The following MAPRE2 variants were observed in gnomAD, a reference collection of about 807,000 sequenced individuals.
The protein encoded by MAPRE2 is microtubule-associated protein RP/EB family member 2.
Under a neutral mutation model 43.2 loss-of-function variants are expected in MAPRE2, and 13 were observed. That is an observed-to-expected ratio of 0.30 (90% CI 0.20 to 0.48). MAPRE2 has a LOEUF of 0.48. Among genes scored for constraint, MAPRE2 ranks in the 20% least tolerant of loss-of-function variants. The pLI, the probability that MAPRE2 is intolerant of heterozygous loss-of-function variation, is 0.99. For synonymous variants in MAPRE2, 135 were observed against 148.8 expected (o/e 0.91, Z 0.68); for missense variants, 161 against 400.2 (o/e 0.40, Z 5.10).
At position 35,101,597 on chromosome 18, in the gene MAPRE2, G is replaced by A. The variant is rs981010347; in HGVS notation, c.397-349G>A. ...ACTCTCCATGCCTATGAATTCGCTT[G>A]TTTTGATTTTTAGATCCCACAAATA... is the stretch of plus-strand genomic sequence containing the variant. On this transcript the variant is annotated intron_variant, in intron 3 of 6. Transcript: ENST00000300249. Among the ~76,000 whole-genome samples, 45 of 152,200 alleles carry A rather than the reference G, an allele frequency of 3.0e-4. 1 individual carries two copies. Among genetic ancestry groups the A allele is most frequent in the African/African-American group, 7.9e-4 (33 of 41,546 alleles).
chr18:35,054,047 C>G, intron 1 of MAPRE2, among the ~76,000 whole-genome samples: 1 of 152,118 alleles, frequency 6.6e-6, no homozygotes, highest in South Asian at 2.1e-4. Context: ...GCGTTGGATG[C>G]CCCCCTTTTA....
At chr18:35,099,612 C>G (rs1908581789) in intron 3 of MAPRE2, among the ~76,000 whole-genome samples, 1 of 152,076 alleles carries the variant, frequency 6.6e-6, no homozygotes, top group Non-Finnish European at 1.5e-5. Context: ...GAGACTCTGT[C>G]TCTGAAATAA....
chr18:35,049,216 G>T (rs1905809576), intron 1 of MAPRE2, among the ~76,000 whole-genome samples: 2 of 152,070 alleles, frequency 1.3e-5, no homozygotes, highest in Non-Finnish European at 2.9e-5. Flanking sequence ...TATAAACAGT[G>T]GTATCCCTGA....
chr18:35,040,689 G>C (rs948179228), upstream of MAPRE2, among the ~76,000 whole-genome samples: 5 of 152,162 alleles, frequency 3.3e-5, no homozygotes, highest in African/African-American at 1.2e-4. Flanking sequence ...TGTATCAGGA[G>C]GCAGCATAAA....
At chr18:35,044,250 G>A (rs1043002281) in intron 1 of MAPRE2, among the ~76,000 whole-genome samples, 19 of 151,890 alleles carry the variant, frequency 1.3e-4, no homozygotes, top group Admixed American at 6.6e-5. Flanking sequence ...CTTTTTTTGC[G>A]ACAGAATTTT....
chr18:35,012,918 C>T (rs2097035688), intron 2 of MAPRE2, among the ~76,000 whole-genome samples: 1 of 152,048 alleles, frequency 6.6e-6, no homozygotes, highest in Admixed American at 6.6e-5. Context: ...ATGCATTTTA[C>T]TACAATGTGA....
At chr18:35,063,264 T>A (rs747102941) in intron 1 of MAPRE2, among the ~76,000 whole-genome samples, 3 of 152,042 alleles carry the variant, frequency 2.0e-5, no homozygotes, top group Non-Finnish European at 4.4e-5. Flanking sequence ...CCACCACGCC[T>A]GGCTAATTTT....
At chr18:35,099,490 G>T (rs75905499) in intron 3 of MAPRE2, among the ~76,000 whole-genome samples, 3 of 152,072 alleles carry the variant, frequency 2.0e-5, no homozygotes, top group Non-Finnish European at 4.4e-5. Context: ...TGGCACATAC[G>T]TGTAGGCTCA....
chr18:34,991,612 A>G (rs1322218752), intron 1 of MAPRE2, among the ~76,000 whole-genome samples: 1 of 152,140 alleles, frequency 6.6e-6, no homozygotes, highest in African/African-American at 2.4e-5. Flanking sequence ...ACACAGCTCC[A>G]GGAGCATTGT....
chr18:35,071,724 C>G (rs113924380), intron 2 of MAPRE2, among the ~76,000 whole-genome samples: 106 of 152,278 alleles, frequency 7.0e-4, no homozygotes, highest in African/African-American at 2.0e-3. Context: ...AGTCCAACAC[C>G]CACCAGTGTA....
chr18:35,061,819 C>G (rs927867505), intron 1 of MAPRE2, among the ~76,000 whole-genome samples: 2 of 152,156 alleles, frequency 1.3e-5, no homozygotes, highest in African/African-American at 4.8e-5. Flanking sequence ...ATCCTGATCT[C>G]CCTCCTCAAA....
At chr18:35,055,537 C>CTCTGTGTGTGTGTG (rs1555914066) in intron 1 of MAPRE2, among the ~76,000 whole-genome samples, 48 of 146,696 alleles carry the variant, frequency 3.3e-4, no homozygotes, top group Admixed American at 1.6e-3. Flanking sequence ...ATTCAGTTCT[C>CTCTGTGTGTGTGTG]TGTGTGTGTG....
At chr18:35,067,450 T>C (rs1906886979) in intron 1 of MAPRE2, among the ~76,000 whole-genome samples, 1 of 152,238 alleles carries the variant, frequency 6.6e-6, no homozygotes, top group African/African-American at 2.4e-5. Flanking sequence ...CTCTTCTACC[T>C]GTACTTCTGT....
At chr18:35,060,409 C>A (rs1243802732) in intron 1 of MAPRE2, among the ~76,000 whole-genome samples, 1 of 152,114 alleles carries the variant, frequency 6.6e-6, no homozygotes, top group Non-Finnish European at 1.5e-5. Flanking sequence ...ACGAAGCCAC[C>A]CACTGCTAGA....
chr18:35,047,291 G>C (rs1000905769), intron 1 of MAPRE2, among the ~76,000 whole-genome samples: 1 of 152,036 alleles, frequency 6.6e-6, no homozygotes, highest in South Asian at 2.1e-4. Context: ...CTGACTTCAG[G>C]CCATCTTTCA....
intron 2 of MAPRE2, among the ~76,000 whole-genome samples, chr18:35,030,068 AT>A (rs953735681): frequency 2.0e-5 from 3 of 152,152 alleles, no homozygotes; most frequent in African/African-American, 7.2e-5. Context: ...CAAGAAAATT[AT>A]TTTTTTCTCT....
upstream of MAPRE2, among the ~76,000 whole-genome samples, chr18:35,036,759 G>A (rs2097050777): frequency 6.6e-6 from 1 of 152,032 alleles, no homozygotes; most frequent in Non-Finnish European, 1.5e-5. Context: ...TTCTCATTAG[G>A]GTTGTTGTGA....
chr18:35,102,220 T>G, intron 4 of MAPRE2, 61 bp downstream of exon 4: 1 of 1,210,786 alleles, frequency 8.3e-7, no homozygotes, highest in Non-Finnish European at 1.2e-6. Flanking sequence ...CAGACCCTTC[T>G]GTTATTTACT....
chr18:35,080,839 C>T (rs1206637370), intron 2 of MAPRE2, among the ~76,000 whole-genome samples: 1 of 151,854 alleles, frequency 6.6e-6, no homozygotes, highest in East Asian at 1.9e-4. Flanking sequence ...ACCCTGAAAC[C>T]ATTACGTAAT....
Sources: allele counts gnomAD v4.1 joint callset (sites outside exome capture counted in the v4.1 genomes callset), GRCh38; gene constraint gnomAD v4.1.1; transcripts MANE v1.5; gene names NCBI Gene and HGNC (gene_info 2026-07-23, HGNC 2026-07-21).